TDRD12: variants seen among roughly 807,000 people sequenced by gnomAD.
TDRD12 encodes tudor domain containing 12.
Under a neutral mutation model 133.5 loss-of-function variants are expected in TDRD12, and 158 were observed. That is an observed-to-expected ratio of 1.18 (90% confidence interval 1.04 to 1.35). TDRD12 has a LOEUF of 1.35. Ranked by LOEUF, TDRD12 falls within the 40% of genes most tolerant of loss-of-function variation. The pLI, the probability that TDRD12 is intolerant of heterozygous loss-of-function variation, is 0.00. For synonymous variants in TDRD12, 460 were observed against 477.9 expected (o/e 0.96, Z 0.49); for missense variants, 1,443 against 1,321.3 (o/e 1.09, Z -1.43).
intron 26 of TDRD12, 63 bp from the exon 27 acceptor site, chr19:32,818,026 C>T: frequency 4.3e-6 from 3 of 702,016 alleles, no homozygotes; most frequent in Non-Finnish European, 7.8e-6. Flanking sequence ...CTCTACTGTC[C>T]CCAGACAGGC....
chr19:32,719,879 G>A (rs1968564598), exon 1 of TDRD12: 1 of 646,970 alleles, frequency 1.5e-6, no homozygotes, highest in Non-Finnish European at 2.7e-6. Context: ...GCCTCGAGCC[G>A]ACCCCGGGGT....
chr19:32,748,623 G>A (rs575862812), intron 5 of TDRD12, 92 bp downstream of exon 5: 3 of 1,356,424 alleles, frequency 2.2e-6, no homozygotes, highest in Admixed American at 4.9e-5. Context: ...AGATGCCCCT[G>A]TTGGCCAAAC....
At chr19:32,748,629 C>T in intron 5 of TDRD12, 98 bp downstream of exon 5, 1 of 1,250,798 alleles carries the variant, frequency 8.0e-7, no homozygotes, top group Non-Finnish European at 1.1e-6. Context: ...CCCTGTTGGC[C>T]AAACGGCCCT....
At chr19:32,826,808 A>T in intron 9 of TDRD12, 59 bp downstream of exon 32, 3 of 1,043,946 alleles carry the variant, frequency 2.9e-6, no homozygotes, top group Non-Finnish European at 3.7e-6. Flanking sequence ...AGTGAGGGAC[A>T]CCATCACCCA....
At chr19:32,782,550 C>T (rs1424985380) in intron 11 of TDRD12, among the ~76,000 whole-genome samples, 1 of 152,190 alleles carries the variant, frequency 6.6e-6, no homozygotes, top group Non-Finnish European at 1.5e-5. Flanking sequence ...ACACTGTCTT[C>T]CATGATGGTT....
In TDRD12 at chr19:32,819,521, TG is replaced by T. The variant is rs376490574; in HGVS notation, c.3383+1366del. Among the ~76,000 whole-genome samples the T allele has an allele frequency of 9.5e-4, 144 of 152,302 alleles. 1 individual carries two copies. The highest frequency in any genetic ancestry group is 3.4e-3 in the Middle Eastern group (1 of 294). On this transcript the variant is annotated intron_variant, in intron 27 of 27. Transcript: ENST00000444215. ...TAGTAGATTTAACCAAAATGAGGTTTGGTGGCTTATGGGAAGCACTGACTTT... is the reference window on the plus strand; with the variant it reads ...TAGTAGATTTAACCAAAATGAGGTTTGTGGCTTATGGGAAGCACTGACTTT...
intron 19 of TDRD12, 118 bp downstream of exon 19, chr19:32,801,991 C>A (rs35241694): frequency 2.3e-6 from 1 of 442,990 alleles, no homozygotes; most frequent in Admixed American, 4.2e-5. Context: ...TTTACTGAGA[C>A]TTTATTAGCA....
intron 9 of TDRD12, 111 bp from the exon 10 acceptor site, chr19:32,773,345 G>A: frequency 1.1e-6 from 1 of 929,942 alleles, no homozygotes; most frequent in Non-Finnish European, 1.7e-6. Context: ...CATGAAAGAT[G>A]TCTGGGATGG....
chr19:32,737,344 A>G (rs901213971), intron 2 of TDRD12, among the ~76,000 whole-genome samples: 8 of 151,830 alleles, frequency 5.3e-5, no homozygotes, highest in African/African-American at 1.9e-4. Flanking sequence ...AGCTGGGACT[A>G]CAGGCACATG....
At position 32,791,809 on chromosome 19, in the gene TDRD12, C is replaced by T. The variant is rs140750962; in HGVS notation, c.1287+741C>T. 3.3e-5 allele frequency among the ~76,000 whole-genome samples: 5 copies of T among 152,048 alleles called. No individual in the cohort carries two copies. In the South Asian group the frequency reaches 6.2e-4, roughly 19 times the overall value. ...TCTCCCATGAACAGGGCCTGCTTGC[C>T]TCCCTGCCTTTCTGCAGTGAGGTGA... On this transcript the variant is annotated intron_variant, in intron 13 of 27. Transcript: ENST00000444215.
chr19:32,786,329 C>T lies in TDRD12; in HGVS notation c.1122-4202C>T, dbSNP rs368124716. Among the ~76,000 whole-genome samples, 20 of 152,304 alleles carry T rather than the reference C, an allele frequency of 1.3e-4. No individual in the cohort carries two copies. In the South Asian group the frequency reaches 4.1e-3, roughly 32 times the overall value. On this transcript the variant is annotated intron_variant, in intron 11 of 27. Coordinates refer to ENST00000444215, the Ensembl canonical transcript of TDRD12. ...TGCTGGGCTTCCCTTTGTGGGTAAC[C>T]TGACCTTTCTCTCTGGGTGCCCTTA...
At chr19:32,829,387 C>A (rs1264644836), downstream of TDRD12, 1 of 152,160 alleles carries the variant, frequency 6.6e-6, no homozygotes, top group Non-Finnish European at 1.5e-5. Context: ...ATATAGGATG[C>A]TGATTATGTG....
chr19:32,732,996 A>C (rs575376627), intron 2 of TDRD12, among the ~76,000 whole-genome samples: 1 of 152,200 alleles, frequency 6.6e-6, no homozygotes, highest in South Asian at 2.1e-4. Context: ...CAACATAGTA[A>C]GACCCTGTCT....
At chr19:32,816,138 A>G (rs998022448) in intron 26 of TDRD12, among the ~76,000 whole-genome samples, 2 of 152,200 alleles carry the variant, frequency 1.3e-5, no homozygotes, top group Non-Finnish European at 2.9e-5. Context: ...TATAAAGCAG[A>G]TCTCAAATAT....
At position 32,802,655 on chromosome 19, in the gene TDRD12, G is replaced by T; in HGVS notation, c.2198-1G>T. 6.5e-7 allele frequency: 1 copy of T among 1,535,926 alleles called. No individual in the cohort carries two copies. Among genetic ancestry groups the T allele is most frequent in the Non-Finnish European group, 8.7e-7 (1 of 1,146,838 alleles). On this transcript the variant is annotated splice_acceptor_variant, in intron 19 of 27. Coordinates refer to ENST00000444215, the Ensembl canonical transcript of TDRD12. LOFTEE classifies it high-confidence loss of function. The stretch of plus-strand genomic sequence containing the variant: ...GACATTGTCGGACTCCCTCTCTGCA[G>T]CCCTCACAGACGACTGCGTCCCACT...
At chr19:32,731,909 A>G (rs1969069272) in intron 2 of TDRD12, 26 bp downstream of exon 2, 2 of 1,513,488 alleles carry the variant, frequency 1.3e-6, no homozygotes, top group South Asian at 1.3e-5. Context: ...TTCTTTAATC[A>G]CTGTGTATTG....
At chr19:32,807,425 C>T in intron 21 of TDRD12, 124 bp from the exon 22 acceptor site, 1 of 575,570 alleles carries the variant, frequency 1.7e-6, no homozygotes. Flanking sequence ...GTTATTCAGT[C>T]TTTAGGGTGT....
chr19:32,811,484 C>T, intron 24 of TDRD12, 64 bp downstream of exon 24: 1 of 1,389,044 alleles, frequency 7.2e-7, no homozygotes, highest in Non-Finnish European at 9.9e-7. Flanking sequence ...AGAATATACA[C>T]AGAATTGAGG....
intron 14 of TDRD12, among the ~76,000 whole-genome samples, chr19:32,796,995 T>TG (rs1298040481): frequency 6.6e-6 from 1 of 151,336 alleles, no homozygotes; most frequent in Non-Finnish European, 1.5e-5. Flanking sequence ...TTTTTTTTTT[T>TG]TTTGAGATGG....
Sources: gnomAD v4.1 joint callset for allele counts (sites outside exome capture counted in the v4.1 genomes callset) on GRCh38, gnomAD v4.1.1 for gene constraint, MANE v1.5 for transcripts, NCBI Gene and HGNC (gene_info 2026-07-23, HGNC 2026-07-21) for gene names.